Variants in ATRX observed in about 807,000 individuals in gnomAD.
ATRX encodes chromatin remodeler ATRX.
Under a neutral mutation model 172.6 loss-of-function variants are expected in ATRX, and 12 were observed. The observed-to-expected ratio is 0.07, with a 90% CI of 0.04 to 0.11. The LOEUF is 0.11. Ranked by LOEUF, ATRX falls within the 10% of genes least tolerant of loss-of-function variation. The probability of loss-of-function intolerance (pLI) is 1.00; values close to 1 mark genes in which losing one functional copy is unlikely to be tolerated. For synonymous variants in ATRX, 674 were observed against 594.7 expected (o/e 1.13, Z -1.94); for missense variants, 1,368 against 1,767.4 (o/e 0.77, Z 4.05).
intron 10 of ATRX, among the ~76,000 whole-genome samples, chrX:77,670,027 T>A (rs1263478588): frequency 8.9e-6 from 1 of 111,984 alleles, no homozygotes; most frequent in African/African-American, 3.2e-5. Flanking sequence ...AAAGGAGTTT[T>A]AAACATATTT....
At chrX:77,587,706 A>G (rs782670943) in intron 27 of ATRX, among the ~76,000 whole-genome samples, 2 of 112,167 alleles carry the variant, frequency 1.8e-5, no homozygotes, top group African/African-American at 6.5e-5. Flanking sequence ...AAAAATCCTA[A>G]AGAATTCACT....
intron 30 of ATRX, among the ~76,000 whole-genome samples, chrX:77,546,234 A>C (rs927482044): frequency 1.8e-5 from 2 of 111,491 alleles, no homozygotes; most frequent in Non-Finnish European, 3.8e-5. Context: ...AAATAGAAAA[A>C]ATTGTACCTG....
chrX:77,757,740 C>T (rs1231275755), intron 1 of ATRX, among the ~76,000 whole-genome samples: 1 of 107,261 alleles, frequency 9.3e-6, no homozygotes, highest in Non-Finnish European at 1.9e-5. Flanking sequence ...GGCACGATCT[C>T]AGCTCACTGC....
chrX:77,697,516 A>G (rs377711110), intron 4 of ATRX, 67 bp downstream of exon 4: 1 of 1,114,047 alleles, frequency 9.0e-7, no homozygotes, highest in Non-Finnish European at 1.2e-6. Context: ...AGAAAAAAAC[A>G]TGGTTTTAGA....
intron 1 of ATRX, among the ~76,000 whole-genome samples, chrX:77,741,662 A>G (rs2074878047): frequency 9.0e-6 from 1 of 111,026 alleles, no homozygotes; most frequent in Non-Finnish European, 1.9e-5. Flanking sequence ...GGGTTTCACC[A>G]TGTTGGTCAG....
rs941038844 is a variant in ATRX, at chrX:77,505,254, C to A, written c.*3097G>T. ...TGCTCTTAAAGTTTTGTTTGGGGCA[C>A]ATAAATATCGATCTGATTTTATGAT... On this transcript the variant is annotated 3_prime_UTR_variant, in exon 35 of 35. Transcript: ENST00000373344. 6 of 172,609 alleles carry A rather than the reference C, an allele frequency of 3.5e-5. No homozygotes were observed. The highest frequency in any genetic ancestry group is 1.8e-4 in the African/African-American group (6 of 33,737). 14.2% of individuals were successfully genotyped at this position (172,609 alleles called of 1,213,427 possible). A position where few individuals can be genotyped will look rare whatever the true frequency, so the allele number is the denominator to read the frequency against.
At chrX:77,667,295 A>G (rs782387350) in intron 10 of ATRX, among the ~76,000 whole-genome samples, 15 of 89,056 alleles carry the variant, frequency 1.7e-4, no homozygotes, top group African/African-American at 4.2e-4. Flanking sequence ...ACGAATAAAT[A>G]TGTGTGTGTG....
Position 77,671,167 on chromosome X carries a change from A to AAAAAAAAT in ATRX, c.3809+5058_3809+5059insATTTTTTT, listed in dbSNP as rs1424480831. On this transcript the variant is annotated intron_variant, in intron 10 of 34. Coordinates refer to ENST00000373344, the MANE Select transcript of ATRX (RefSeq NM_000489.6). ...TGTCTCAAAAAAAAAAAAAAAAAAA[A>AAAAAAAAT]ATATATATATATATATATATATATA... 2.7e-3 allele frequency among the ~76,000 whole-genome samples: 43 copies of AAAAAAAAT among 15,735 alleles called. 1 individual carries two copies. Among genetic ancestry groups the AAAAAAAAT allele is most frequent in the Admixed American group, 5.8e-3 (4 of 695 alleles). The allele number at this position is 15,735 out of a possible 115,157, so 13.7% of individuals were successfully genotyped here.
At position 77,759,453 on chromosome X, in the gene ATRX, C is replaced by T. The variant is rs2075636567; in HGVS notation, c.20+26529G>A. Among the ~76,000 whole-genome samples, 3 of 111,460 alleles carry T rather than the reference C, an allele frequency of 2.7e-5. No individual in the cohort carries two copies. The Admixed American group carries it at 2.9e-4, about 11-fold the overall frequency. On this transcript the variant is annotated intron_variant, in intron 1 of 34. Transcript: ENST00000373344. ...TGAAGGCTGGGAGCAGTGACTCACA[C>T]CTGTAATCCCAGCACTTTGGGAGGC...
intron 2 of ATRX, among the ~76,000 whole-genome samples, chrX:77,699,093 G>GAA (rs542829741): frequency 9.5e-6 from 1 of 105,685 alleles, no homozygotes; most frequent in South Asian, 4.1e-4. Flanking sequence ...AAAAGCAATA[G>GAA]AAAAAAAAAA....
At position 77,684,302 on chromosome X, in the gene ATRX, C is replaced by T. The variant is rs782406455; in HGVS notation, c.954G>A (p.Lys318=). Residue 318 remains lysine, a synonymous_variant, in exon 9 of 35, where the codon AAG becomes AAA. Transcript: ENST00000373344. ...CTCCATTACAATTTGAACTAGTCTT[C>T]TTTGGAGAAAATCTGGATGTATGTT... ...VYEHTSRFSP[K]KTSSNCNGEE... is the part of the protein sequence containing the mutation. 8 of 1,207,425 alleles carry T rather than the reference C, an allele frequency of 6.6e-6. No individual in the cohort carries two copies. Among genetic ancestry groups the T allele is most frequent in the Middle Eastern group, 2.3e-4 (1 of 4,373 alleles).
chrX:77,712,612 G>A (rs2073167366), intron 2 of ATRX, among the ~76,000 whole-genome samples: 1 of 109,762 alleles, frequency 9.1e-6, no homozygotes, highest in Non-Finnish European at 1.9e-5. Flanking sequence ...ATCACCTAAG[G>A]TCAGGAGTTC....
chrX:77,667,123 T>A (rs923778516), intron 10 of ATRX, among the ~76,000 whole-genome samples: 13 of 110,437 alleles, frequency 1.2e-4, no homozygotes, highest in African/African-American at 3.6e-4. Flanking sequence ...TAAAAAAGAC[T>A]AGAAGATACT....
intron 15 of ATRX, among the ~76,000 whole-genome samples, chrX:77,644,018 C>A (rs1557112399): frequency 1.8e-5 from 2 of 111,771 alleles, no homozygotes; most frequent in African/African-American, 3.3e-5. Flanking sequence ...TGGCTCACTG[C>A]AACCTCTGCC....
At chrX:77,718,829 G>A (rs1353054035) in intron 1 of ATRX, among the ~76,000 whole-genome samples, 3 of 111,237 alleles carry the variant, frequency 2.7e-5, no homozygotes, top group African/African-American at 9.8e-5. Flanking sequence ...GCACAGTGGC[G>A]TGACCTTGAC....
chrX:77,754,872 G>A (rs1230580177), intron 1 of ATRX, among the ~76,000 whole-genome samples: 5 of 111,437 alleles, frequency 4.5e-5, no homozygotes, highest in African/African-American at 1.6e-4. Flanking sequence ...TGATTTGAAC[G>A]TTGGCCTGTC....
At chrX:77,733,962 G>T (rs2074417701) in intron 1 of ATRX, among the ~76,000 whole-genome samples, 1 of 109,576 alleles carries the variant, frequency 9.1e-6, no homozygotes, top group African/African-American at 3.3e-5. Flanking sequence ...CCAACACTTT[G>T]GGAAGCTGAG....
intron 30 of ATRX, among the ~76,000 whole-genome samples, chrX:77,527,349 G>A (rs2063415393): frequency 8.9e-6 from 1 of 111,966 alleles, no homozygotes; most frequent in Non-Finnish European, 1.9e-5. Flanking sequence ...TGGAGAGCAA[G>A]GAGAAGGGCT....
At chrX:77,577,031 G>C (rs984958461) in intron 27 of ATRX, among the ~76,000 whole-genome samples, 45 of 111,744 alleles carry the variant, frequency 4.0e-4, no homozygotes, top group African/African-American at 1.4e-3. Context: ...ATGGACATTT[G>C]ACTTGCTTCC....
Sources: gnomAD v4.1 joint callset for allele counts (sites outside exome capture counted in the v4.1 genomes callset) on GRCh38, gnomAD v4.1.1 for gene constraint, MANE v1.5 for transcripts, NCBI Gene and HGNC (gene_info 2026-07-23, HGNC 2026-07-21) for gene names.